Variants in MGAT4D observed in about 807,000 individuals in gnomAD.
MGAT4D encodes alpha-1,3-mannosyl-glycoprotein 4-beta-N-acetylglucosaminyltransferase-like protein MGAT4D.
In MGAT4D, 34 loss-of-function variants were observed where a neutral mutation model predicts 15.9. That is an observed-to-expected ratio of 2.14 (90% CI 1.62 to 2.84). The LOEUF (loss-of-function observed/expected upper bound fraction) is 2.84. MGAT4D is among the 30% of genes most tolerant of loss of function. MGAT4D has a pLI of 0.00. For synonymous variants in MGAT4D, 112 were observed against 48.2 expected, an observed-to-expected ratio of 2.33 and a Z score of -5.49; for missense variants, 327 against 140.2, an observed-to-expected ratio of 2.33 and a Z score of -6.73.
At chr4:140,485,458 G>A (rs1039453658) in intron 1 of MGAT4D, among the ~76,000 whole-genome samples, 1 of 151,884 alleles carries the variant, frequency 6.6e-6, no homozygotes, top group African/African-American at 2.4e-5. Flanking sequence ...GCTAAATGAC[G>A]AGATAGTGGG....
At chr4:140,480,728 AACACACACACACACACACACACACACAC>A (rs10615827) in intron 2 of MGAT4D, among the ~76,000 whole-genome samples, 33 of 125,684 alleles carry the variant, frequency 2.6e-4, no homozygotes, top group African/African-American at 7.9e-4. Context: ...CTCATCTCTA[AACACACACACACACACACACACACACAC>A]ACACACACAC....
At chr4:140,463,909 AAG>A (rs1258799790) in intron 6 of MGAT4D, among the ~76,000 whole-genome samples, 2 of 152,196 alleles carry the variant, frequency 1.3e-5, no homozygotes, top group Non-Finnish European at 2.9e-5. Flanking sequence ...AATGAATTGT[AAG>A]AGAGGCTAGG....
intron 9 of MGAT4D, among the ~76,000 whole-genome samples, chr4:140,452,365 A>G (rs1300832298): frequency 1.3e-5 from 2 of 152,176 alleles, no homozygotes; most frequent in African/African-American, 4.8e-5. Context: ...TACATAGGAA[A>G]TATTAACAGT....
At chr4:140,475,085 A>C in intron 3 of MGAT4D, 139 bp from the exon 4 acceptor site, 1 of 407,766 alleles carries the variant, frequency 2.5e-6, no homozygotes, top group Non-Finnish European at 4.3e-6. Context: ...TACAAAAATA[A>C]TCCAAACTAT....
chr4:140,453,662 A>G (rs1730612629), intron 9 of MGAT4D, among the ~76,000 whole-genome samples: 1 of 151,960 alleles, frequency 6.6e-6, no homozygotes, highest in Non-Finnish European at 1.5e-5. Context: ...TGCTGTTCTC[A>G]TGAAAGTGAG....
intron 1 of MGAT4D, among the ~76,000 whole-genome samples, chr4:140,490,541 C>T (rs1428759437): frequency 6.6e-6 from 1 of 152,200 alleles, no homozygotes; most frequent in Admixed American, 6.5e-5. Context: ...TAGACCCTGC[C>T]AAGCCAAAGT....
chr4:140,484,546 C>T (rs901085053), intron 1 of MGAT4D, among the ~76,000 whole-genome samples: 15 of 152,146 alleles, frequency 9.9e-5, no homozygotes, highest in African/African-American at 3.6e-4. Flanking sequence ...CCAAAATTGA[C>T]AAATGGGATC....
At chr4:140,477,082 G>A (rs572719819) in intron 3 of MGAT4D, among the ~76,000 whole-genome samples, 6 of 152,254 alleles carry the variant, frequency 3.9e-5, no homozygotes, top group Admixed American at 3.9e-4. Context: ...CCCCAATAGT[G>A]CATGCAAGAC....
At position 140,483,758 on chromosome 4, in the gene MGAT4D, G is replaced by T. The variant is rs7681722; in HGVS notation, c.95-1273C>A. Among the ~76,000 whole-genome samples, 36 of 152,046 alleles carry T rather than the reference G, an allele frequency of 2.4e-4. No individual in the cohort carries two copies. The East Asian group carries it at 6.8e-3, about 29-fold the overall frequency. On this transcript the variant is annotated intron_variant, in intron 1 of 10. Transcript: ENST00000511113. Reference sequence around the variant, plus strand: ...CAAAGTTTCCAAGAACACACAATAGGGAAAGAACAGTGTCTTCAATAAAAA... The same window carrying T: ...CAAAGTTTCCAAGAACACACAATAGTGAAAGAACAGTGTCTTCAATAAAAA...
At chr4:140,447,406 T>C (rs6851074) in intron 10 of MGAT4D, among the ~76,000 whole-genome samples, 134,596 of 152,190 alleles carry the variant, frequency 0.88, 60,338 homozygotes, top group East Asian at 0.99. Flanking sequence ...AGTGCATATA[T>C]ATTTAGGATA....
intron 3 of MGAT4D, among the ~76,000 whole-genome samples, chr4:140,479,183 A>T (rs1252873211): frequency 6.6e-6 from 1 of 152,232 alleles, no homozygotes; most frequent in Non-Finnish European, 1.5e-5. Flanking sequence ...GTAAGAATAG[A>T]TTTACCAAAA....
At chr4:140,486,561 A>G (rs572219711) in intron 1 of MGAT4D, among the ~76,000 whole-genome samples, 1 of 152,232 alleles carries the variant, frequency 6.6e-6, no homozygotes, top group African/African-American at 2.4e-5. Flanking sequence ...TCATTGTTCA[A>G]ATAACTTATC....
intron 1 of MGAT4D, among the ~76,000 whole-genome samples, chr4:140,485,849 G>C (rs1442880542): frequency 5.4e-5 from 2 of 37,018 alleles, no homozygotes; most frequent in South Asian, 9.4e-4. Flanking sequence ...AAAAAAAAAA[G>C]CAATGATGAT....
chr4:140,491,329 A>G (rs1181486015), intron 1 of MGAT4D, among the ~76,000 whole-genome samples: 1 of 152,126 alleles, frequency 6.6e-6, no homozygotes, highest in East Asian at 1.9e-4. Flanking sequence ...TTTCCCTTCC[A>G]TCAAGGGAAG....
chr4:140,482,391 C>A lies in MGAT4D; in HGVS notation c.189G>T (p.Met63Ile), dbSNP rs897840681. The A allele has an allele frequency of 1.5e-6, 1 of 649,220 alleles. No homozygotes were observed. Among genetic ancestry groups the A allele is most frequent in the Non-Finnish European group, 2.7e-6 (1 of 365,220 alleles). 40.2% of individuals were successfully genotyped at this position (649,220 alleles called of 1,614,324 possible). The change falls in exon 2 of 11, where the codon ATG becomes ATT. Residue 63 changes from methionine to isoleucine, a missense_variant. Transcript: ENST00000511113. ...RNKTEKNTQE[M>I]MKVLNRMKYE... ...ACTTCATTCGATTCAAAACTTTCAT[C>A]ATCTCTTGGGTATTTTTTTCAGTTT...
intron 3 of MGAT4D, among the ~76,000 whole-genome samples, chr4:140,476,804 C>A (rs79593155): frequency 0.025 from 3,742 of 152,180 alleles, 193 homozygotes; most frequent in East Asian, 0.23. Flanking sequence ...ATTTTGATCA[C>A]AAATTGATGC....
At chr4:140,450,479 T>A (rs917493164) in intron 10 of MGAT4D, among the ~76,000 whole-genome samples, 1 of 152,236 alleles carries the variant, frequency 6.6e-6, no homozygotes, top group Non-Finnish European at 1.5e-5. Flanking sequence ...CAGGCACATA[T>A]TTGTCTTGTT....
chr4:140,476,729 C>T (rs911113182), intron 3 of MGAT4D, among the ~76,000 whole-genome samples: 1 of 152,168 alleles, frequency 6.6e-6, no homozygotes, highest in African/African-American at 2.4e-5. Flanking sequence ...GCCTAGAATA[C>T]TCTTATTCCT....
Position 140,443,248 on chromosome 4 carries a change from C to T in MGAT4D, c.*188G>A. ...AAATTAAATTGTAATAGGGTAAAAG[C>T]AATATAAATGTTCTACCTTGTCTTG... On this transcript the variant is annotated 3_prime_UTR_variant, in exon 11 of 11. Coordinates refer to ENST00000511113, the MANE Select transcript of MGAT4D (RefSeq NM_001277353.2). The T allele has an allele frequency of 3.7e-6, 1 of 272,928 alleles. No individual in the cohort carries two copies. The highest frequency in any genetic ancestry group is 6.8e-6 in the Non-Finnish European group (1 of 147,850). 16.9% of individuals were successfully genotyped at this position (272,928 alleles called of 1,614,324 possible).
Sources: allele counts gnomAD v4.1 joint callset (sites outside exome capture counted in the v4.1 genomes callset), GRCh38; gene constraint gnomAD v4.1.1; transcripts MANE v1.5; gene names NCBI Gene and HGNC (gene_info 2026-07-23, HGNC 2026-07-21).